Variants in ZNF181 observed in about 807,000 individuals in gnomAD.
ZNF181 encodes zinc finger protein 181 (HHZ181).
ZNF181 carries 8 observed loss-of-function variants against 11.9 expected under a neutral mutation model. The observed-to-expected ratio is 0.67, with a 90% CI of 0.39 to 1.21. The LOEUF is 1.21. Ranked by LOEUF, ZNF181 falls within the 50% of genes most tolerant of loss-of-function variation. ZNF181 has a pLI of 0.01. For missense variants in ZNF181, 542 were observed against 670.9 expected (o/e 0.81, Z 2.12); for synonymous variants, 202 against 221.1 (o/e 0.91, Z 0.77).
Position 34,738,550 on chromosome 19 carries a change from G to GT in ZNF181, c.10-587dup, listed in dbSNP as rs896365038. ...ATATAAAGGTTTTTTTTTTGTTTTT[G>GT]TTTTTTTTTTTGAGACAGAGTCTTG... On this transcript the variant is annotated intron_variant, in intron 1 of 3. Transcript: ENST00000492450. 5.7e-3 allele frequency among the ~76,000 whole-genome samples: 814 copies of GT among 143,078 alleles called. 4 individuals carry two copies. The highest frequency in any genetic ancestry group is 0.015 in the African/African-American group (599 of 38,934). The allele number at this position is 143,078 out of a possible 152,430, so 93.9% of individuals were successfully genotyped here. A position where few individuals can be genotyped will look rare whatever the true frequency, so the allele number is the denominator to read the frequency against.
At position 34,742,256 on chromosome 19, in the gene ZNF181, T is replaced by C; in HGVS notation, c.*159T>C. ...TAGACTTTATACTGTAGAGAAATCA[T>C]ATGAAGACCATAAATGTGGGAAAGC... is the stretch of plus-strand genomic sequence containing the variant. On this transcript the variant is annotated 3_prime_UTR_variant, in exon 4 of 4. Coordinates refer to ENST00000492450, the MANE Select transcript of ZNF181 (RefSeq NM_001029997.4). 1.6e-6 allele frequency: 1 copy of C among 624,636 alleles called. No individual in the cohort carries two copies. The highest frequency in any genetic ancestry group is 2.6e-6 in the Non-Finnish European group (1 of 384,990). 38.7% of individuals were successfully genotyped at this position (624,636 alleles called of 1,614,324 possible).
chr19:34,735,063 G>T lies in ZNF181; in HGVS notation c.9+17G>T. 1 of 1,568,624 alleles carries T rather than the reference G, an allele frequency of 6.4e-7. No individual in the cohort carries two copies. The highest frequency in any genetic ancestry group is 1.9e-5 in the Admixed American group (1 of 53,078). On this transcript the variant is annotated intron_variant, in intron 1 of 3. Transcript: ENST00000492450. ...ATGCCTCAGGTAGGTCGGTGTGTCCGCAAATCTTCCTGAAACACTTTATCA... is the reference window on the plus strand; with the variant it reads ...ATGCCTCAGGTAGGTCGGTGTGTCCTCAAATCTTCCTGAAACACTTTATCA...
At chr19:34,738,158 G>C (rs1568482649) in intron 1 of ZNF181, among the ~76,000 whole-genome samples, 1 of 152,034 alleles carries the variant, frequency 6.6e-6, no homozygotes. Context: ...GTATATTTTA[G>C]TCCATTGGTG....
At position 34,738,929 on chromosome 19, in the gene ZNF181, T is replaced by C. The variant is rs541727111; in HGVS notation, c.10-219T>C. ...CTCTCATATTTGTTTCTCACCTTTA[T>C]TGTATAATAATTCTAAGCACATAAC... On this transcript the variant is annotated intron_variant, in intron 1 of 3. Transcript: ENST00000492450. Among the ~76,000 whole-genome samples, 64 of 152,350 alleles carry C rather than the reference T, an allele frequency of 4.2e-4. 1 individual carries two copies. In the South Asian group the frequency reaches 0.013, roughly 30 times the overall value.
Position 34,739,259 on chromosome 19 carries a change from G to T in ZNF181, c.121G>T (p.Val41Phe), listed in dbSNP as rs2068932477. Residue 41 changes from valine to phenylalanine, a missense_variant, in exon 2 of 4, where the codon GTC (valine) becomes TTC (phenylalanine). By Grantham distance (50) the Val-to-Phe change is conservative. Transcript: ENST00000492450. ...DVMVQNYENL[V>F]SVAGLSVTKP... ...GATGGTCCAGAATTATGAGAACCTG[G>T]TCTCTGTAGGTAAGGATATTACCCC... 3.1e-6 allele frequency: 5 copies of T among 1,613,758 alleles called. No homozygotes were observed. The highest frequency in any genetic ancestry group is 3.4e-6 in the Non-Finnish European group (4 of 1,179,706).
chr19:34,740,789 C>A lies in ZNF181; in HGVS notation c.408C>A (p.Asp136Glu). ...AAGGGAAGCATGGAAGTCAGGTAGA[C>A]CATTTCAGACCAGCAATTCTCACCT... ...KLEGKHGSQV[D>E]HFRPAILTSR... Residue 136 changes from aspartate to glutamate, a missense_variant, in exon 4 of 4, where the codon GAC becomes GAA. Transcript: ENST00000492450. The A allele has an allele frequency of 6.2e-7, 1 of 1,613,988 alleles. No individual in the cohort carries two copies. Among genetic ancestry groups the A allele is most frequent in the East Asian group, 2.2e-5 (1 of 44,872 alleles).
chr19:34,738,409 G>T (rs752798004), intron 1 of ZNF181, among the ~76,000 whole-genome samples: 1 of 152,180 alleles, frequency 6.6e-6, no homozygotes, highest in East Asian at 1.9e-4. Context: ...AGCCCTCAAG[G>T]CCTAATCATC....
In ZNF181 at chr19:34,741,881, T is replaced by C; in HGVS notation, c.1500T>C (p.Cys500=). Residue 500 remains cysteine (C), a synonymous_variant, in exon 4 of 4, where the codon TGT becomes TGC. Transcript: ENST00000492450. ...TTAAATGTGGGAAGACCTTCAGCTG[T>C]AGTTCAAACCTTACCGTACATCAGA... ...ECIKCGKTFS[C]SSNLTVHQRI... is the part of the protein sequence containing the mutation. 1 of 1,613,826 alleles carries C rather than the reference T, an allele frequency of 6.2e-7. No individual in the cohort carries two copies. The highest frequency in any genetic ancestry group is 8.5e-7 in the Non-Finnish European group (1 of 1,179,844).
At position 34,741,544 on chromosome 19, in the gene ZNF181, G is replaced by A. The variant is rs1311575422; in HGVS notation, c.1163G>A (p.Cys388Tyr). ...ECRECGKAFCCSSHLTRHQRI... is the reference protein window; with the variant it reads ...ECRECGKAFCYSSHLTRHQRI... The stretch of plus-strand genomic sequence containing the variant: ...AGAGAATGTGGGAAAGCTTTCTGCT[G>A]TAGCTCACACCTTACTCGACATCAA... Residue 388 changes from cysteine (C) to tyrosine (Y), a missense_variant, in exon 4 of 4, where the codon TGT (cysteine) becomes TAT (tyrosine). By Grantham distance (194) the Cys-to-Tyr change is radical. Coordinates refer to ENST00000492450, the MANE Select transcript of ZNF181 (RefSeq NM_001029997.4). The A allele has an allele frequency of 1.2e-6, 2 of 1,613,814 alleles. No homozygotes were observed. The highest frequency in any genetic ancestry group is 1.1e-5 in the South Asian group (1 of 91,064).
rs937009916 is a variant in ZNF181, at chr19:34,744,075, T to C, written c.*1978T>C. 1 of 152,228 alleles carries C rather than the reference T, an allele frequency of 6.6e-6. No homozygotes were observed. Among genetic ancestry groups the C allele is most frequent in the East Asian group, 1.9e-4 (1 of 5,200 alleles). The allele number at this position is 152,228 out of a possible 1,614,324, so 9.4% of individuals were successfully genotyped here. A position where few individuals can be genotyped will look rare whatever the true frequency, so the allele number is the denominator to read the frequency against. The stretch of plus-strand genomic sequence containing the variant: ...TATCTCAGGTGAGAGTAGTAAGATA[T>C]GTTATTTTAAAAAGGAACATTATGT... On this transcript the variant is annotated 3_prime_UTR_variant, in exon 4 of 4. Transcript: ENST00000492450.
At position 34,741,058 on chromosome 19, in the gene ZNF181, C is replaced by G. The variant is rs762818771; in HGVS notation, c.677C>G (p.Thr226Ser). The G allele has an allele frequency of 1.9e-6, 3 of 1,614,140 alleles. No individual in the cohort carries two copies. The highest frequency in any genetic ancestry group is 2.5e-6 in the Non-Finnish European group (3 of 1,179,976). ...GCCTTCAGCCAGGGCAAATCTCTTA[C>G]CCTTCCCCAGACTTGTAATAGAGAG... ...GAAFSQGKSL[T>S]LPQTCNREKI... Residue 226 changes from threonine to serine, a missense_variant, in exon 4 of 4, where the codon ACC becomes AGC. Coordinates refer to ENST00000492450, the MANE Select transcript of ZNF181 (RefSeq NM_001029997.4).
Position 34,740,889 on chromosome 19 carries a change from C to G in ZNF181, c.508C>G (p.Leu170Val). 6.2e-7 allele frequency: 1 copy of G among 1,614,020 alleles called. No homozygotes were observed. Among genetic ancestry groups the G allele is most frequent in the Non-Finnish European group, 8.5e-7 (1 of 1,179,978 alleles). ...AAGCACCTTTCATTCAAAGTCTACT[C>G]TTTCTGAACCACAAAAAATTTCTGC... ...FRSTFHSKST[L>V]SEPQKISAEG... is the part of the protein sequence containing the mutation. The change falls in exon 4 of 4, where the codon CTT becomes GTT. Residue 170 changes from leucine to valine, a missense_variant. Coordinates refer to ENST00000492450, the MANE Select transcript of ZNF181 (RefSeq NM_001029997.4).
chr19:34,740,539 C>T, intron 3 of ZNF181, 72 bp from the exon 4 acceptor site: 2 of 1,432,750 alleles, frequency 1.4e-6, no homozygotes, highest in South Asian at 2.9e-5. Context: ...TCTCCTAATT[C>T]CAATTTAGAA....
chr19:34,735,314 G>A (rs1465389390), intron 1 of ZNF181, among the ~76,000 whole-genome samples: 1 of 152,208 alleles, frequency 6.6e-6, no homozygotes, highest in African/African-American at 2.4e-5. Context: ...ACTTTGGAAT[G>A]TAAGGTTATT....
chr19:34,742,101 A>AGTG lies in ZNF181; in HGVS notation c.*7_*9dup. On this transcript the variant is annotated 3_prime_UTR_variant, in exon 4 of 4. Transcript: ENST00000492450. ...TTACAGAAGAGAAACTGTATGAAGC[A>AGTG]GTGGTTATCATGGTAAATTTCCTAG... The AGTG allele has an allele frequency of 6.5e-7, 1 of 1,534,704 alleles. No homozygotes were observed. The highest frequency in any genetic ancestry group is 1.3e-5 in the South Asian group (1 of 76,514).
intron 3 of ZNF181, among the ~76,000 whole-genome samples, 196 bp downstream of exon 3, chr19:34,739,817 C>T (rs932641400): frequency 2.0e-5 from 3 of 152,176 alleles, no homozygotes; most frequent in African/African-American, 7.2e-5. Flanking sequence ...TTATCTGTAT[C>T]ACTCATGTCA....
chr19:34,736,853 G>A (rs2068897417), intron 1 of ZNF181, among the ~76,000 whole-genome samples: 1 of 152,212 alleles, frequency 6.6e-6, no homozygotes, highest in Non-Finnish European at 1.5e-5. Context: ...ACAGAGATGA[G>A]TGAACACCCC....
In ZNF181 at chr19:34,741,151, G is replaced by A; in HGVS notation, c.770G>A (p.Arg257Lys). 1.2e-6 allele frequency: 2 copies of A among 1,614,138 alleles called. No homozygotes were observed. The highest frequency in any genetic ancestry group is 8.5e-7 in the Non-Finnish European group (1 of 1,179,986). The change falls in exon 4 of 4, where the codon AGA becomes AAA. Residue 257 changes from arginine (R) to lysine (K), a missense_variant. Physicochemically the swap from Arg to Lys is conservative, Grantham distance 26. Coordinates refer to ENST00000492450, the MANE Select transcript of ZNF181 (RefSeq NM_001029997.4). ...GKQSILNRHW[R>K]IHTGEKPYEC... ...CAGTCAATCCTCAATCGCCACTGGA[G>A]AATTCATACAGGAGAGAAGCCCTAT...
rs1221794537 is a variant in ZNF181, at chr19:34,739,614, G to A, written c.222G>A (p.Met74Ile). Residue 74 changes from methionine to isoleucine, a missense_variant, in exon 3 of 4, where the codon ATG becomes ATA. Physicochemically the swap from Met to Ile is conservative, Grantham distance 10. Coordinates refer to ENST00000492450, the MANE Select transcript of ZNF181 (RefSeq NM_001029997.4). ...TGGAGAAAAAACTGTCAAAAGGTATGATTCCAGGTGAGTCATGGTGAACGA... is the reference window on the plus strand; with the variant it reads ...TGGAGAAAAAACTGTCAAAAGGTATAATTCCAGGTGAGTCATGGTGAACGA... ...WMMEKKLSKG[M>I]IPDWESRWEN... is the part of the protein sequence containing the mutation. The A allele has an allele frequency of 1.9e-6, 3 of 1,614,080 alleles. No homozygotes were observed. Among genetic ancestry groups the A allele is most frequent in the Non-Finnish European group, 2.5e-6 (3 of 1,179,958 alleles).
Sources: allele counts gnomAD v4.1 joint callset (sites outside exome capture counted in the v4.1 genomes callset), GRCh38; gene constraint gnomAD v4.1.1; transcripts MANE v1.5; gene names NCBI Gene and HGNC (gene_info 2026-07-23, HGNC 2026-07-21).